ADCY5: variants seen among roughly 807,000 people sequenced by gnomAD.
The protein encoded by ADCY5 is adenylate cyclase 5, also known as adenylate cyclase type 5.
A neutral mutation model predicts 119.7 loss-of-function variants in ADCY5; 30 were observed. That is an observed-to-expected ratio of 0.25 (90% confidence interval 0.19 to 0.34). The LOEUF is 0.34. Ranked by LOEUF, ADCY5 falls within the 10% of genes least tolerant of loss-of-function variation. The pLI, the probability that ADCY5 is intolerant of heterozygous loss-of-function variation, is 1.00. For synonymous variants in ADCY5, 753 were observed against 762.2 expected, an observed-to-expected ratio of 0.99 and a Z score of 0.20; for missense variants, 1,324 against 1,775.2, an observed-to-expected ratio of 0.75 and a Z score of 4.57.
chr3:123,286,657 G>T lies in ADCY5; in HGVS notation c.3657+28C>A. On this transcript the variant is annotated intron_variant, in intron 20 of 20. Coordinates refer to ENST00000462833, the MANE Select transcript of ADCY5 (RefSeq NM_183357.3). The surrounding 1 kb of genome is among the most constrained non-coding windows in gnomAD (Gnocchi z 4.2). Reference sequence around the variant, plus strand: ...TCAGACACAGGACCTCCCATGGGGTGAGGGGTGGTGGATGCTCCTGCACTC... The same window carrying T: ...TCAGACACAGGACCTCCCATGGGGTTAGGGGTGGTGGATGCTCCTGCACTC... The T allele has an allele frequency of 6.3e-7, 1 of 1,584,336 alleles. No homozygotes were observed. The highest frequency in any genetic ancestry group is 8.6e-7 in the Non-Finnish European group (1 of 1,167,496).
intron 1 of ADCY5, among the ~76,000 whole-genome samples, chr3:123,426,314 G>GTTGTT (rs1559875072): frequency 6.2e-4 from 89 of 142,882 alleles, no homozygotes; most frequent in African/African-American, 1.5e-3. Flanking sequence ...TTTTTTGTTT[G>GTTGTT]TTTTTGTTTG....
In ADCY5 at chr3:123,289,832, T is replaced by C. The variant is rs776632342; in HGVS notation, c.3450A>G (p.Ala1150=). The C allele has an allele frequency of 1.3e-5, 21 of 1,614,244 alleles. No homozygotes were observed. In the South Asian group the frequency reaches 1.8e-4, roughly 14 times the overall value. The change falls in exon 19 of 21, where the codon GCA becomes GCG. Residue 1150 remains alanine, a synonymous_variant. Coordinates refer to ENST00000462833, the MANE Select transcript of ADCY5 (RefSeq NM_183357.3). ...TCAGCTTCATGGCAAAGTCGGCCAGTGCCTTGATGTGGGTCTTGCCCACCT... is the reference window on the plus strand; with the variant it reads ...TCAGCTTCATGGCAAAGTCGGCCAGCGCCTTGATGTGGGTCTTGCCCACCT... ...YDKVGKTHIK[A]LADFAMKLMD...
chr3:123,389,484 A>T (rs973324896), intron 1 of ADCY5, among the ~76,000 whole-genome samples: 1 of 147,774 alleles, frequency 6.8e-6, no homozygotes, highest in African/African-American at 2.5e-5. Flanking sequence ...TTGTACAGGG[A>T]GAGTTTTCGC....
chr3:123,344,548 G>A (rs1465115877), intron 3 of ADCY5, among the ~76,000 whole-genome samples: 1 of 152,170 alleles, frequency 6.6e-6, no homozygotes, highest in Non-Finnish European at 1.5e-5. Flanking sequence ...GGTTCAGAGT[G>A]GCTCAATGCT....
chr3:123,444,680 A>G (rs183690493), intron 1 of ADCY5, among the ~76,000 whole-genome samples: 1 of 152,348 alleles, frequency 6.6e-6, no homozygotes, highest in East Asian at 1.9e-4. Context: ...AATAAAATAC[A>G]CAGGTCAGAT....
intron 2 of ADCY5, among the ~76,000 whole-genome samples, chr3:123,349,299 G>T (rs1942723196): frequency 6.6e-6 from 1 of 152,190 alleles, no homozygotes. Flanking sequence ...TTGCTTTTCA[G>T]ATCTTTCCCT....
intron 13 of ADCY5, 148 bp from the exon 14 acceptor site, chr3:123,303,367 G>C (rs1265419069): frequency 3.1e-5 from 29 of 930,938 alleles, no homozygotes; most frequent in Non-Finnish European, 4.3e-5. Context: ...AAGAGTCTGA[G>C]GAACGGGCAA....
intron 3 of ADCY5, among the ~76,000 whole-genome samples, chr3:123,340,100 A>C (rs1942209368): frequency 1.3e-5 from 2 of 152,116 alleles, no homozygotes; most frequent in South Asian, 4.2e-4. Flanking sequence ...GGCCGGTCTA[A>C]GCAACATAGT....
Position 123,407,741 on chromosome 3 carries a change from G to A in ADCY5, c.1134+39671C>T, listed in dbSNP as rs181303407. ...TGATCATTCCACTGCACTGCAGCCT[G>A]GGCAACAGAGTGAGACCCTGTCTCA... On this transcript the variant is annotated intron_variant, in intron 1 of 20. Coordinates refer to ENST00000462833, the MANE Select transcript of ADCY5 (RefSeq NM_183357.3). Among the ~76,000 whole-genome samples, 603 of 140,164 alleles carry A rather than the reference G, an allele frequency of 4.3e-3. 9 individuals carry two copies. The highest frequency in any genetic ancestry group is 0.017 in the African/African-American group (581 of 35,112). The allele number at this position is 140,164 out of a possible 152,430, so 92.0% of individuals were successfully genotyped here.
chr3:123,415,223 A>G (rs1945157937), intron 1 of ADCY5, among the ~76,000 whole-genome samples: 2 of 152,152 alleles, frequency 1.3e-5, no homozygotes, highest in African/African-American at 4.8e-5. Context: ...TTAGAGAGGA[A>G]TGGGATGGAA....
chr3:123,445,230 G>C (rs534090384), intron 1 of ADCY5, among the ~76,000 whole-genome samples: 5 of 152,322 alleles, frequency 3.3e-5, no homozygotes, highest in African/African-American at 9.6e-5. Flanking sequence ...GGAGCCAGTG[G>C]GGGTGGGGAG....
intron 1 of ADCY5, among the ~76,000 whole-genome samples, chr3:123,424,052 G>C (rs1348275793): frequency 1.3e-5 from 2 of 152,266 alleles, no homozygotes; most frequent in African/African-American, 4.8e-5. Flanking sequence ...AACATGGTGA[G>C]GCCACCGTCC....
chr3:123,386,256 T>C (rs1419082926), intron 1 of ADCY5, among the ~76,000 whole-genome samples: 1 of 150,690 alleles, frequency 6.6e-6, no homozygotes, highest in Non-Finnish European at 1.5e-5. Context: ...CACTGAGCCC[T>C]GGCTCCCCTC....
chr3:123,293,238 G>A (rs760523325), intron 17 of ADCY5, among the ~76,000 whole-genome samples: 8 of 152,190 alleles, frequency 5.3e-5, no homozygotes, highest in East Asian at 3.9e-4. Context: ...GGCGCTAGGC[G>A]GGTCAGAGTG....
intron 1 of ADCY5, among the ~76,000 whole-genome samples, chr3:123,417,401 T>C (rs7612096): frequency 0.32 from 49,196 of 152,264 alleles, 9,960 homozygotes; most frequent in African/African-American, 0.56. Context: ...GTGAGCCCTC[T>C]TCCCCTCACA....
intron 1 of ADCY5, among the ~76,000 whole-genome samples, chr3:123,403,508 A>G (rs1944828807): frequency 6.6e-6 from 1 of 152,070 alleles, no homozygotes. Context: ...CACCAGTAAG[A>G]GGGGATGGCA....
intron 1 of ADCY5, among the ~76,000 whole-genome samples, chr3:123,375,649 G>A (rs964283886): frequency 5.3e-5 from 8 of 152,230 alleles, no homozygotes; most frequent in African/African-American, 7.2e-5. Context: ...TCAGAGGGAC[G>A]AGAGGTCTCC....
intron 12 of ADCY5, among the ~76,000 whole-genome samples, chr3:123,313,953 A>T (rs902035582): frequency 6.6e-6 from 1 of 152,206 alleles, no homozygotes; most frequent in African/African-American, 2.4e-5. Context: ...CTTGTGCATA[A>T]CATGAATAGG....
At chr3:123,384,501 T>C (rs1944151029) in intron 1 of ADCY5, among the ~76,000 whole-genome samples, 1 of 152,198 alleles carries the variant, frequency 6.6e-6, no homozygotes, top group Admixed American at 6.5e-5. Context: ...ATGCCCTTTA[T>C]ATACATTACC....
Sources: gnomAD v4.1 joint callset for allele counts (sites outside exome capture counted in the v4.1 genomes callset) on GRCh38, gnomAD v4.1.1 for gene constraint, Gnocchi (gnomAD v3.1) non-coding constraint, MANE v1.5 for transcripts, NCBI Gene and HGNC (gene_info 2026-07-23, HGNC 2026-07-21) for gene names.